AGAP1: variants seen among roughly 807,000 people sequenced by gnomAD.
AGAP1 encodes the protein ArfGAP with GTPase domain, ankyrin repeat and PH domain 1.
In AGAP1, 29 loss-of-function variants were observed where a neutral mutation model predicts 105.3. The observed-to-expected ratio is 0.28, with a 90% CI of 0.21 to 0.38. The LOEUF (loss-of-function observed/expected upper bound fraction) is 0.38. AGAP1 is among the 10% of genes least tolerant of loss of function. The pLI is 1.00. For synonymous variants in AGAP1, 509 were observed against 485.9 expected, an observed-to-expected ratio of 1.05 and a Z score of -0.63; for missense variants, 998 against 1,165.1, an observed-to-expected ratio of 0.86 and a Z score of 2.09.
chr2:235,563,771 G>A (rs769260750), intron 1 of AGAP1, among the ~76,000 whole-genome samples: 32 of 152,146 alleles, frequency 2.1e-4, no homozygotes, highest in Non-Finnish European at 4.1e-4. Flanking sequence ...GTTTCTTGAG[G>A]GTCTGGTATA....
Position 235,961,690 on chromosome 2 carries a change from A to T in AGAP1, c.1484-6772A>T, listed in dbSNP as rs1420647312. Among the ~76,000 whole-genome samples, 1 of 152,194 alleles carries T rather than the reference A, an allele frequency of 6.6e-6. No individual in the cohort carries two copies. The highest frequency in any genetic ancestry group is 1.5e-5 in the Non-Finnish European group (1 of 68,040). On this transcript the variant is annotated intron_variant, in intron 12 of 17. Coordinates refer to ENST00000304032, the MANE Select transcript of AGAP1 (RefSeq NM_001037131.3). The surrounding 1 kb of genome is among the most constrained non-coding windows in gnomAD (Gnocchi z 5.9). ...TTTGGGAGGCCAAGGCGGATGGATC[A>T]TGAGGTCAAGAGATCGAGACCATCC...
At chr2:235,946,263 G>T (rs1305093175) in intron 12 of AGAP1, among the ~76,000 whole-genome samples, 1 of 150,420 alleles carries the variant, frequency 6.6e-6, no homozygotes, top group Non-Finnish European at 1.5e-5. Context: ...AAGTGGATTG[G>T]ATCATAATAG....
Position 235,792,339 on chromosome 2 carries a change from C to G in AGAP1, c.674-5420C>G, listed in dbSNP as rs1957029214. Among the ~76,000 whole-genome samples the G allele has an allele frequency of 6.6e-6, 1 of 152,148 alleles. No homozygotes were observed. Among genetic ancestry groups the G allele is most frequent in the Non-Finnish European group, 1.5e-5 (1 of 68,036 alleles). ...AAGCTTTTGCATGGGGTTCATCTGC[C>G]TATTCCAGGAGAGACTATGGTCCTT... On this transcript the variant is annotated intron_variant, in intron 6 of 17. Transcript: ENST00000304032. This position sits in a 1 kb window ranked among gnomAD's most constrained non-coding sequence, Gnocchi z 5.3.
intron 1 of AGAP1, among the ~76,000 whole-genome samples, chr2:235,546,946 A>G (rs959576365): frequency 6.6e-6 from 1 of 152,230 alleles, no homozygotes. Context: ...CACTGGCCGT[A>G]TTCAGCTCTC....
chr2:235,794,445 C>T (rs1035093118), intron 6 of AGAP1, among the ~76,000 whole-genome samples: 1 of 152,114 alleles, frequency 6.6e-6, no homozygotes, highest in African/African-American at 2.4e-5. Context: ...GATCAAATCT[C>T]AGTGACAAAG....
At position 235,716,558 on chromosome 2, in the gene AGAP1, G is replaced by T. The variant is rs1300812704; in HGVS notation, c.223-999G>T. ...GGCCTTAATGAGCACCTGTGCCTGG[G>T]GATGGGTGCCTTGTGATGTTTTGGG... On this transcript the variant is annotated intron_variant, in intron 2 of 17. Coordinates refer to ENST00000304032, the MANE Select transcript of AGAP1 (RefSeq NM_001037131.3). This position sits in a 1 kb window ranked among gnomAD's most constrained non-coding sequence, Gnocchi z 4.0. Among the ~76,000 whole-genome samples, 1 of 152,164 alleles carries T rather than the reference G, an allele frequency of 6.6e-6. No individual in the cohort carries two copies.
intron 9 of AGAP1, among the ~76,000 whole-genome samples, chr2:235,822,855 G>C (rs548555940): frequency 6.6e-6 from 1 of 152,148 alleles, no homozygotes; most frequent in Non-Finnish European, 1.5e-5. Context: ...GGACCCCGAC[G>C]GGTGGGCATG....
intron 12 of AGAP1, among the ~76,000 whole-genome samples, chr2:235,949,703 T>C (rs897222140): frequency 2.0e-5 from 3 of 152,172 alleles, no homozygotes; most frequent in African/African-American, 7.2e-5. Flanking sequence ...TTTCCACTTA[T>C]CCTCGTAAAA....
In AGAP1 at chr2:236,101,731, G is replaced by C. The variant is rs911914891; in HGVS notation, c.2115-18461G>C. ...GGTGAACGGAATTCACTGTGATGGC[G>C]GCTGCACCAGCAGAGCCGCCGTGGG... On this transcript the variant is annotated intron_variant, in intron 16 of 17. Transcript: ENST00000304032. This position sits in a 1 kb window ranked among gnomAD's most constrained non-coding sequence, Gnocchi z 4.9. Among the ~76,000 whole-genome samples the C allele has an allele frequency of 1.3e-5, 2 of 152,200 alleles. No homozygotes were observed. The highest frequency in any genetic ancestry group is 4.8e-5 in the African/African-American group (2 of 41,448).
At position 236,120,334 on chromosome 2, in the gene AGAP1, G is replaced by T; in HGVS notation, c.2257G>T (p.Ala753Ser). Residue 753 changes from alanine (A) to serine (S), a missense_variant, in exon 17 of 18, where the codon GCA becomes TCA. By Grantham distance (99) the Ala-to-Ser change is moderately conservative. Transcript: ENST00000304032. This position sits in a 1 kb window ranked among gnomAD's most constrained non-coding sequence, Gnocchi z 6.0. The part of the protein sequence containing the change: ...EDLRTAILLL[A>S]HGSRDEVNET... ...CCTGCGGACGGCCATCCTGCTGCTG[G>T]CACACGGCTCCCGGGACGAGGTGAA... is the stretch of plus-strand genomic sequence containing the variant. The T allele has an allele frequency of 6.2e-7, 1 of 1,612,274 alleles. No homozygotes were observed. The highest frequency in any genetic ancestry group is 8.5e-7 in the Non-Finnish European group (1 of 1,179,692).
chr2:235,806,061 A>G (rs1433455218), intron 8 of AGAP1, among the ~76,000 whole-genome samples: 2 of 152,170 alleles, frequency 1.3e-5, no homozygotes, highest in African/African-American at 4.8e-5. Flanking sequence ...CTGGAATCCT[A>G]AATGCGTCCC....
chr2:235,891,816 G>A lies in AGAP1; in HGVS notation c.1155+8367G>A, dbSNP rs939915190. Among the ~76,000 whole-genome samples the A allele has an allele frequency of 8.5e-5, 13 of 152,102 alleles. No individual in the cohort carries two copies. Among genetic ancestry groups the A allele is most frequent in the Middle Eastern group, 3.4e-3 (1 of 294 alleles). On this transcript the variant is annotated intron_variant, in intron 10 of 17. Coordinates refer to ENST00000304032, the MANE Select transcript of AGAP1 (RefSeq NM_001037131.3). The surrounding 1 kb of genome is among the most constrained non-coding windows in gnomAD (Gnocchi z 4.2). ...GGCAGCTGTGAAACTCCTCCCCTCC[G>A]GGCCATACCTGGCAGACGTGCATGA... is the stretch of plus-strand genomic sequence containing the variant.
At position 235,905,957 on chromosome 2, in the gene AGAP1, T is replaced by G. The variant is rs2051284810; in HGVS notation, c.1156-2781T>G. Among the ~76,000 whole-genome samples, 1 of 152,218 alleles carries G rather than the reference T, an allele frequency of 6.6e-6. No individual in the cohort carries two copies. The highest frequency in any genetic ancestry group is 2.4e-5 in the African/African-American group (1 of 41,456). On this transcript the variant is annotated intron_variant, in intron 10 of 17. Transcript: ENST00000304032. The surrounding 1 kb of genome is among the most constrained non-coding windows in gnomAD (Gnocchi z 4.2). Reference sequence around the variant, plus strand: ...ACATCCTCTCAAAGTTGATTATGTTTTGTGGAGTCCAGCATCTCAACTTCC... The same window carrying G: ...ACATCCTCTCAAAGTTGATTATGTTGTGTGGAGTCCAGCATCTCAACTTCC...
chr2:235,675,402 A>G (rs183381167), intron 1 of AGAP1, among the ~76,000 whole-genome samples: 53 of 152,058 alleles, frequency 3.5e-4, no homozygotes, highest in Non-Finnish European at 6.9e-4. Flanking sequence ...TGTGGTCTCA[A>G]TCTCCTGACC....
intron 3 of AGAP1, among the ~76,000 whole-genome samples, chr2:235,731,488 G>T (rs1412410420): frequency 6.6e-6 from 1 of 152,214 alleles, no homozygotes; most frequent in African/African-American, 2.4e-5. Context: ...CTTCCAGAAA[G>T]CATGGAATTA....
At position 236,061,639 on chromosome 2, in the gene AGAP1, C is replaced by T. The variant is rs2058197768; in HGVS notation, c.2114+12358C>T. On this transcript the variant is annotated intron_variant, in intron 16 of 17. Coordinates refer to ENST00000304032, the MANE Select transcript of AGAP1 (RefSeq NM_001037131.3). The surrounding 1 kb of genome is among the most constrained non-coding windows in gnomAD (Gnocchi z 4.1). ...GTGTACCATTCCATCTGTCTGATGG[C>T]GAAAACAGGCACCTCCATAGTAATG... is the stretch of plus-strand genomic sequence containing the variant. 6.6e-6 allele frequency among the ~76,000 whole-genome samples: 1 copy of T among 152,194 alleles called. No homozygotes were observed. Among genetic ancestry groups the T allele is most frequent in the South Asian group, 2.1e-4 (1 of 4,810 alleles).
intron 1 of AGAP1, among the ~76,000 whole-genome samples, chr2:235,669,223 G>C (rs1288342581): frequency 6.6e-6 from 1 of 152,174 alleles, no homozygotes; most frequent in Non-Finnish European, 1.5e-5. Context: ...CTTCCTGGAA[G>C]CCCACTTGTT....
intron 1 of AGAP1, among the ~76,000 whole-genome samples, chr2:235,686,642 TATAGATATATATATATATATATA>T (rs1281979081): frequency 2.9e-4 from 13 of 45,130 alleles, no homozygotes; most frequent in African/African-American, 1.3e-3. Context: ...TATATATATA[TATAGATATATATATATATATATA>T]TTTTTTTTTT....
chr2:236,049,453 C>T (rs13398226), intron 16 of AGAP1, 172 bp downstream of exon 16: 229,379 of 597,484 alleles, frequency 0.38, 44,957 homozygotes, highest in Admixed American at 0.5. Context: ...CTTGAGCAGA[C>T]GTGGATAATT....
Sources: gnomAD v4.1 joint callset for allele counts (sites outside exome capture counted in the v4.1 genomes callset) on GRCh38, gnomAD v4.1.1 for gene constraint, Gnocchi (gnomAD v3.1) non-coding constraint, MANE v1.5 for transcripts, NCBI Gene and HGNC (gene_info 2026-07-23, HGNC 2026-07-21) for gene names.